PDE11A: variants seen among roughly 807,000 people sequenced by gnomAD.
PDE11A encodes phosphodiesterase 11A, also known as dual 3',5'-cyclic-AMP and -GMP phosphodiesterase 11A.
A neutral mutation model predicts 100.5 loss-of-function variants in PDE11A; 100 were observed. The observed-to-expected ratio is 1.00, with a 90% CI of 0.85 to 1.18. PDE11A has a LOEUF of 1.18. Ranked by LOEUF, PDE11A falls within the 50% of genes most tolerant of loss-of-function variation. The pLI is 0.00. For synonymous variants in PDE11A, 381 were observed against 420.8 expected (o/e 0.91, Z 1.16); for missense variants, 1,141 against 1,152.6 (o/e 0.99, Z 0.15).
chr2:177,932,503 G>A (rs1291300898), intron 2 of PDE11A, among the ~76,000 whole-genome samples: 5 of 152,004 alleles, frequency 3.3e-5, no homozygotes, highest in African/African-American at 9.7e-5. Context: ...TGCAAAATTG[G>A]TTCAACATAC....
chr2:178,083,990 G>C (rs1456477829), intron 2 of PDE11A, among the ~76,000 whole-genome samples: 1 of 152,126 alleles, frequency 6.6e-6, no homozygotes, highest in Non-Finnish European at 1.5e-5. Context: ...ATAGCCAATA[G>C]CTATATAGAT....
intron 10 of PDE11A, among the ~76,000 whole-genome samples, chr2:177,765,321 T>C (rs1051058237): frequency 2.6e-5 from 4 of 152,240 alleles, no homozygotes; most frequent in Non-Finnish European, 5.9e-5. Context: ...ACTACAGGTT[T>C]ATCTTATGTG....
intron 1 of PDE11A, among the ~76,000 whole-genome samples, chr2:178,066,059 T>C (rs1178001118): frequency 6.6e-6 from 1 of 152,076 alleles, no homozygotes; most frequent in Non-Finnish European, 1.5e-5. Flanking sequence ...TCTTCAAGGA[T>C]AAGGCACTCA....
chr2:177,873,798 G>C (rs528969182), intron 5 of PDE11A, among the ~76,000 whole-genome samples: 2 of 152,236 alleles, frequency 1.3e-5, no homozygotes, highest in East Asian at 3.9e-4. Context: ...TAAACTTCAT[G>C]CATTTGATAA....
At chr2:178,075,814 T>TC (rs1175643896), upstream of PDE11A, among the ~76,000 whole-genome samples, 2 of 151,852 alleles carry the variant, frequency 1.3e-5, no homozygotes, top group East Asian at 3.9e-4. Context: ...CTTGAAGAGG[T>TC]CCCCTTAGGA....
At chr2:178,010,093 A>G (rs909028287) in intron 2 of PDE11A, among the ~76,000 whole-genome samples, 2 of 152,186 alleles carry the variant, frequency 1.3e-5, no homozygotes, top group Admixed American at 6.6e-5. Flanking sequence ...AGCACTTTAC[A>G]TCTATTATCT....
intron 1 of PDE11A, among the ~76,000 whole-genome samples, chr2:178,033,356 A>C (rs926860561): frequency 1.1e-4 from 16 of 152,182 alleles, no homozygotes; most frequent in African/African-American, 3.9e-4. Flanking sequence ...GAGAAAAAAG[A>C]ATGAAAAGGA....
intron 2 of PDE11A, among the ~76,000 whole-genome samples, chr2:177,994,565 A>G (rs572799259): frequency 6.6e-6 from 1 of 152,230 alleles, no homozygotes; most frequent in Non-Finnish European, 1.5e-5. Context: ...TGTGTTTTAT[A>G]TACTGATCCT....
intron 6 of PDE11A, among the ~76,000 whole-genome samples, chr2:177,833,325 T>C (rs1488237355): frequency 6.6e-6 from 1 of 152,240 alleles, no homozygotes; most frequent in Non-Finnish European, 1.5e-5. Flanking sequence ...CTAAGTGATA[T>C]GTCCAAGACT....
intron 2 of PDE11A, among the ~76,000 whole-genome samples, chr2:178,082,638 C>G (rs556947441): frequency 1.3e-5 from 2 of 152,176 alleles, no homozygotes; most frequent in Non-Finnish European, 1.5e-5. Flanking sequence ...AAAGAAGAAA[C>G]AAAGTGCATG....
At chr2:177,711,917 G>A (rs1278196853) in intron 12 of PDE11A, 39 bp from the exon 13 acceptor site, 6 of 1,047,606 alleles carry the variant, frequency 5.7e-6, no homozygotes. Flanking sequence ...CACTACTGGG[G>A]TACGGAGGAT....
intron 2 of PDE11A, among the ~76,000 whole-genome samples, chr2:178,002,529 G>A (rs1048860925): frequency 1.3e-5 from 2 of 152,160 alleles, no homozygotes; most frequent in African/African-American, 2.4e-5. Flanking sequence ...TTATAGGAAA[G>A]TAGCCAGCTT....
chr2:178,020,874 G>A (rs187181825), intron 1 of PDE11A, among the ~76,000 whole-genome samples: 1 of 150,586 alleles, frequency 6.6e-6, no homozygotes, highest in Non-Finnish European at 1.5e-5. Flanking sequence ...ATAAAAGCTA[G>A]GAAGAAAGAT....
At chr2:177,942,932 C>T (rs945681734) in intron 2 of PDE11A, among the ~76,000 whole-genome samples, 3 of 152,134 alleles carry the variant, frequency 2.0e-5, no homozygotes, top group African/African-American at 7.2e-5. Flanking sequence ...ATGAATTCAA[C>T]TACTTTAGAT....
intron 4 of PDE11A, among the ~76,000 whole-genome samples, chr2:177,876,818 C>T (rs1335836004): frequency 1.4e-5 from 2 of 147,910 alleles, no homozygotes; most frequent in African/African-American, 5.2e-5. Flanking sequence ...TATTTCTGGC[C>T]CTTGTAGGGG....
At position 177,775,667 on chromosome 2, in the gene PDE11A, T is replaced by G. The variant is rs74838771; in HGVS notation, c.1738-6294A>C. Among the ~76,000 whole-genome samples the G allele has an allele frequency of 2.2e-3, 328 of 152,294 alleles. 1 individual carries two copies. Among genetic ancestry groups the G allele is most frequent in the African/African-American group, 7.5e-3 (313 of 41,562 alleles). On this transcript the variant is annotated intron_variant, in intron 9 of 19. Coordinates refer to ENST00000286063, the MANE Select transcript of PDE11A (RefSeq NM_016953.4). ...CTCATTTTTGTTCATTTTTGTTCATTTATACACCAAGCGCTTTTCTACCTC... is the reference window on the plus strand; with the variant it reads ...CTCATTTTTGTTCATTTTTGTTCATGTATACACCAAGCGCTTTTCTACCTC...
At position 177,792,742 on chromosome 2, in the gene PDE11A, A is replaced by C. The variant is rs566969910; in HGVS notation, c.1738-23369T>G. Among the ~76,000 whole-genome samples the C allele has an allele frequency of 1.6e-4, 24 of 152,336 alleles. 1 individual carries two copies. The South Asian group carries it at 3.9e-3, about 25-fold the overall frequency. ...ACCAAGGTTGCTGGCCATGGAGATC[A>C]GATTAGATTTGAGTAAACCAGGGAA... On this transcript the variant is annotated intron_variant, in intron 9 of 19. Transcript: ENST00000286063.
intron 2 of PDE11A, among the ~76,000 whole-genome samples, chr2:177,997,076 A>G (rs574767900): frequency 5.3e-5 from 8 of 152,234 alleles, no homozygotes; most frequent in Non-Finnish European, 8.8e-5. Context: ...TATAAAGAAC[A>G]TTAAGTTTTT....
chr2:177,915,470 C>A (rs1324729809), intron 2 of PDE11A, among the ~76,000 whole-genome samples: 1 of 152,176 alleles, frequency 6.6e-6, no homozygotes, highest in African/African-American at 2.4e-5. Context: ...AGATTGGCTT[C>A]TTTTACTTAG....
Sources: gnomAD v4.1 joint callset for allele counts (sites outside exome capture counted in the v4.1 genomes callset) on GRCh38, gnomAD v4.1.1 for gene constraint, MANE v1.5 for transcripts, NCBI Gene and HGNC (gene_info 2026-07-23, HGNC 2026-07-21) for gene names.